The following SLC71A2 variants were observed in gnomAD, a reference collection of about 807,000 sequenced individuals.
SLC71A2 encodes the protein solute carrier family 71 member 2, also known as hippocampus abundant transcript-like 1.
the SLC71A2 span, chr9:94,458,284 C>G: frequency 6.3e-7 from 1 of 1,583,740 alleles, no homozygotes; most frequent in Non-Finnish European, 8.6e-7. Flanking sequence ...AGATGCCTTT[C>G]TGAGAAGACT....
At chr9:94,395,338 T>G in the SLC71A2 span, among the ~76,000 whole-genome samples, 1 of 152,176 alleles carries the variant, frequency 6.6e-6, no homozygotes, top group African/African-American at 2.4e-5. Context: ...TCTTGATTTC[T>G]TAACTTGCTC....
chr9:94,399,146 A>G, the SLC71A2 span, among the ~76,000 whole-genome samples: 9 of 152,080 alleles, frequency 5.9e-5, no homozygotes, highest in Admixed American at 3.3e-4. Flanking sequence ...ATTTAACTTA[A>G]CTACTCAGTC....
At chr9:94,403,862 G>A in the SLC71A2 span, among the ~76,000 whole-genome samples, 1 of 152,146 alleles carries the variant, frequency 6.6e-6, no homozygotes, top group African/African-American at 2.4e-5. Context: ...AATCACAGCT[G>A]CTGTAGTCTG....
chr9:94,445,032 C>T, the SLC71A2 span: 9 of 1,614,168 alleles, frequency 5.6e-6, no homozygotes, highest in Middle Eastern at 1.6e-4. Context: ...CTGCCAGTTA[C>T]GGAGACAGCC....
the SLC71A2 span, among the ~76,000 whole-genome samples, chr9:94,415,959 A>C: frequency 3.3e-5 from 5 of 152,214 alleles, no homozygotes; most frequent in Non-Finnish European, 7.3e-5. Flanking sequence ...ATTGGTGAGT[A>C]CTTTGTAACA....
the SLC71A2 span, among the ~76,000 whole-genome samples, chr9:94,457,703 T>C: frequency 2.0e-5 from 3 of 152,360 alleles, no homozygotes; most frequent in South Asian, 2.1e-4. Flanking sequence ...TTTATACTTA[T>C]TCATGTCAAT....
the SLC71A2 span, among the ~76,000 whole-genome samples, chr9:94,444,316 A>G: frequency 6.6e-6 from 1 of 152,176 alleles, no homozygotes; most frequent in Non-Finnish European, 1.5e-5. Flanking sequence ...TCTATACTGG[A>G]TAGGGTCAGG....
At chr9:94,440,975 C>A in the SLC71A2 span, 3 of 1,563,714 alleles carry the variant, frequency 1.9e-6, no homozygotes, top group Non-Finnish European at 2.6e-6. Flanking sequence ...TTAAAATAAT[C>A]TTTTTATAGG....
At chr9:94,408,793 A>AT in the SLC71A2 span, among the ~76,000 whole-genome samples, 6 of 134,300 alleles carry the variant, frequency 4.5e-5, no homozygotes, top group African/African-American at 1.7e-4. Flanking sequence ...GGTTTTGTTG[A>AT]TTTTCTCTTC....
chr9:94,435,425 T>TTGA, the SLC71A2 span, among the ~76,000 whole-genome samples: 2 of 152,208 alleles, frequency 1.3e-5, no homozygotes, highest in Non-Finnish European at 2.9e-5. Flanking sequence ...TTCTCAAGAA[T>TTGA]TCAGCAGTTA....
chr9:94,390,808 A>G, the SLC71A2 span, among the ~76,000 whole-genome samples: 1 of 152,350 alleles, frequency 6.6e-6, no homozygotes, highest in South Asian at 2.1e-4. Flanking sequence ...GTACTGATAC[A>G]TGCAAGGCTG....
chr9:94,417,457 G>A, the SLC71A2 span, among the ~76,000 whole-genome samples: 6 of 151,970 alleles, frequency 3.9e-5, no homozygotes, highest in Non-Finnish European at 8.8e-5. Flanking sequence ...GTGAAACCCA[G>A]TCTGTACTAA....
the SLC71A2 span, among the ~76,000 whole-genome samples, chr9:94,456,834 A>G: frequency 6.0e-3 from 909 of 152,298 alleles, 7 homozygotes; most frequent in African/African-American, 0.02. Flanking sequence ...AATTAAAATT[A>G]AGACTGCTAT....
At chr9:94,419,214 A>G in the SLC71A2 span, among the ~76,000 whole-genome samples, 1 of 151,918 alleles carries the variant, frequency 6.6e-6, no homozygotes, top group Non-Finnish European at 1.5e-5. Flanking sequence ...TCTGGGCTCA[A>G]GCAATTGTCC....
chr9:94,442,165 A>C, the SLC71A2 span, among the ~76,000 whole-genome samples: 5 of 152,128 alleles, frequency 3.3e-5, no homozygotes, highest in East Asian at 9.6e-4. Context: ...GAATGCCAGA[A>C]ACTTAGGTTA....
At chr9:94,378,919 G>C in the SLC71A2 span, among the ~76,000 whole-genome samples, 4 of 150,382 alleles carry the variant, frequency 2.7e-5, no homozygotes, top group African/African-American at 9.8e-5. Context: ...ATTAATTCTA[G>C]AACAGCGTAG....
At chr9:94,454,310 C>G in the SLC71A2 span, among the ~76,000 whole-genome samples, 2 of 152,132 alleles carry the variant, frequency 1.3e-5, no homozygotes, top group Non-Finnish European at 2.9e-5. Context: ...GAATGTATCT[C>G]TCTCTTCCCT....
the SLC71A2 span, among the ~76,000 whole-genome samples, chr9:94,442,974 G>T: frequency 3.3e-5 from 5 of 152,182 alleles, no homozygotes; most frequent in Admixed American, 6.5e-5. Context: ...TTGGCCAACA[G>T]AGTAGTGAGG....
At chr9:94,379,514 C>T in the SLC71A2 span, among the ~76,000 whole-genome samples, 1 of 148,238 alleles carries the variant, frequency 6.7e-6, no homozygotes, top group Non-Finnish European at 1.5e-5. Flanking sequence ...CTCAGCCTCC[C>T]TAGTAGCAAG....
Sources: allele counts gnomAD v4.1 joint callset (sites outside exome capture counted in the v4.1 genomes callset), GRCh38; gene constraint gnomAD v4.1.1; transcripts MANE v1.5; gene names NCBI Gene and HGNC (gene_info 2026-07-23, HGNC 2026-07-21).